The following TACC2 variants were observed in gnomAD, a reference collection of about 807,000 sequenced individuals.
The protein encoded by TACC2 is transforming acidic coiled-coil-containing protein 2.
A neutral mutation model predicts 227.3 loss-of-function variants in TACC2; 137 were observed. That is an observed-to-expected ratio of 0.60 (90% CI 0.52 to 0.69). The LOEUF (loss-of-function observed/expected upper bound fraction) is 0.69, where lower values mean the gene tolerates loss of function less well. TACC2 is among the 30% of genes least tolerant of loss of function. TACC2 has a pLI of 0.00. For synonymous variants in TACC2, 1,523 were observed against 1,487.5 expected (o/e 1.02, Z -0.55); for missense variants, 3,470 against 3,694.4 (o/e 0.94, Z 1.57).
intron 4 of TACC2, 145 bp from the exon 5 acceptor site, chr10:122,088,333 C>A: frequency 1.4e-6 from 1 of 718,682 alleles, no homozygotes; most frequent in Non-Finnish European, 2.2e-6. Flanking sequence ...TTTATTTAGT[C>A]AGGGGGCCCT....
chr10:122,084,259 G>A lies in TACC2; in HGVS notation c.1759G>A (p.Asp587Asn), dbSNP rs775335544. Reference protein sequence around the residue: ...GGKEEAPEPPDGGDPGNLQGE... With the variant: ...GGKEEAPEPPNGGDPGNLQGE... ...AAAGGAGGAAGCCCCAGAGCCACCT[G>A]ATGGTGGAGACCCAGGGAACCTGCA... Residue 587 changes from aspartate (D) to asparagine (N), a missense_variant, in exon 4 of 23, where the codon GAT becomes AAT. Coordinates refer to ENST00000369005, the MANE Select transcript of TACC2 (RefSeq NM_206862.4). The A allele has an allele frequency of 6.2e-7, 1 of 1,614,070 alleles. No homozygotes were observed. Among genetic ancestry groups the A allele is most frequent in the Non-Finnish European group, 8.5e-7 (1 of 1,180,038 alleles).
In TACC2 at chr10:122,083,059, T is replaced by C. The variant is rs2079712081; in HGVS notation, c.559T>C (p.Ser187Pro). Residue 187 changes from serine (S) to proline (P), a missense_variant, in exon 4 of 23, where the codon TCC becomes CCC. By Grantham distance (74) the Ser-to-Pro change is moderately conservative. This residue lies in a region of TACC2 where 405 missense variants were observed against 389.6 expected (regional missense o/e 1.04). Coordinates refer to ENST00000369005, the MANE Select transcript of TACC2 (RefSeq NM_206862.4). The stretch of plus-strand genomic sequence containing the variant: ...GCCGAAGGAAGAAGGACAGAAGTCC[T>C]CCTTCTCCTTCTCCAGTGGCATCGA... ...RQPKEEGQKSSFSFSSGIDQS... is the reference protein window; with the variant it reads ...RQPKEEGQKSPFSFSSGIDQS... The C allele has an allele frequency of 6.2e-7, 1 of 1,612,522 alleles. No homozygotes were observed. The highest frequency in any genetic ancestry group is 1.7e-5 in the Admixed American group (1 of 59,994).
At position 122,084,605 on chromosome 10, in the gene TACC2, A is replaced by G. The variant is rs1321880106; in HGVS notation, c.2105A>G (p.Gln702Arg). The G allele has an allele frequency of 6.2e-7, 1 of 1,613,872 alleles. No individual in the cohort carries two copies. ...CAGCCCAAATGTCCTGACACCCTTCAGAGCAGGGAAGGATTGGGAAGAATG... is the reference window on the plus strand; with the variant it reads ...CAGCCCAAATGTCCTGACACCCTTCGGAGCAGGGAAGGATTGGGAAGAATG... The part of the protein sequence containing the change: ...GLQPKCPDTL[Q>R]SREGLGRMES... The change falls in exon 4 of 23, where the codon CAG becomes CGG. Residue 702 changes from glutamine (Q) to arginine (R), a missense_variant. By Grantham distance (43) the Gln-to-Arg change is conservative. This residue lies in a region of TACC2 where 1,924 missense variants were observed against 1,978.3 expected (regional missense o/e 0.97). Transcript: ENST00000369005.
chr10:122,061,285 C>CAAAAAAAAAAAAA (rs58324245), intron 3 of TACC2, among the ~76,000 whole-genome samples: 1 of 87,106 alleles, frequency 1.1e-5, no homozygotes, highest in Non-Finnish European at 2.1e-5. Flanking sequence ...CACTCCGTCT[C>CAAAAAAAAAAAAA]AAAAAAAAAA....
At chr10:122,121,099 A>G (rs980416970) in intron 5 of TACC2, among the ~76,000 whole-genome samples, 2 of 152,174 alleles carry the variant, frequency 1.3e-5, no homozygotes, top group Non-Finnish European at 2.9e-5. Flanking sequence ...TGATATTCAC[A>G]TAGAGCCTGG....
chr10:122,070,567 A>G (rs567786516), intron 3 of TACC2, among the ~76,000 whole-genome samples: 6 of 152,196 alleles, frequency 3.9e-5, no homozygotes, highest in Admixed American at 6.5e-5. Flanking sequence ...CAGCCTGACC[A>G]ACATGGAGAA....
chr10:122,119,990 C>A (rs750733557), intron 5 of TACC2, among the ~76,000 whole-genome samples: 1 of 152,102 alleles, frequency 6.6e-6, no homozygotes, highest in Non-Finnish European at 1.5e-5. Context: ...CTTGTCCTCC[C>A]GGAGTAATTT....
rs189807013 is a variant in TACC2 at position 122,186,485 on chromosome 10, T to C, written c.5835-8555T>C. Among the ~76,000 whole-genome samples, 127 of 152,236 alleles carry C rather than the reference T, an allele frequency of 8.3e-4. 3 individuals are homozygous for C. In the East Asian group the frequency reaches 0.015, roughly 18 times the overall value. ...CTCCAGTCTAGGTGACGAGCAAGACTCAGTCTCTGGGGGGATAAAATGAGT... is the reference window on the plus strand; with the variant it reads ...CTCCAGTCTAGGTGACGAGCAAGACCCAGTCTCTGGGGGGATAAAATGAGT... On this transcript the variant is annotated intron_variant, in intron 7 of 22. Transcript: ENST00000369005.
intron 6 of TACC2, 132 bp downstream of exon 6, chr10:122,132,866 A>C: frequency 1.0e-5 from 9 of 878,500 alleles, no homozygotes; most frequent in South Asian, 1.7e-5. Context: ...GCACACACAC[A>C]CAGGGTGTGC....
chr10:122,221,701 T>C (rs1364852720), intron 11 of TACC2, among the ~76,000 whole-genome samples: 2 of 152,206 alleles, frequency 1.3e-5, no homozygotes, highest in African/African-American at 4.8e-5. Context: ...CAGGAATATA[T>C]CTGATCATGC....
chr10:122,061,947 G>A (rs2076866282), intron 3 of TACC2, among the ~76,000 whole-genome samples: 1 of 150,930 alleles, frequency 6.6e-6, no homozygotes, highest in South Asian at 2.1e-4. Context: ...GCAGAGAACA[G>A]CTGTCCCTAT....
At chr10:122,172,117 C>T (rs1165928595) in intron 7 of TACC2, among the ~76,000 whole-genome samples, 1 of 152,174 alleles carries the variant, frequency 6.6e-6, no homozygotes, top group East Asian at 1.9e-4. Context: ...TTAAAACCAT[C>T]CAAGCCTAAA....
At chr10:122,101,723 C>CGTTTTT (rs1406812091) in intron 5 of TACC2, among the ~76,000 whole-genome samples, 1 of 55,726 alleles carries the variant, frequency 1.8e-5, no homozygotes, top group Non-Finnish European at 3.0e-5. Flanking sequence ...CCATGCCCAG[C>CGTTTTT]TTTTTTTTTT....
chr10:122,056,376 T>C (rs1055605857), intron 3 of TACC2, among the ~76,000 whole-genome samples: 3 of 152,160 alleles, frequency 2.0e-5, no homozygotes, highest in Non-Finnish European at 4.4e-5. Context: ...GGTTTCACCA[T>C]GTTGGCCAGG....
At chr10:121,997,929 C>T (rs1372442453) in intron 1 of TACC2, among the ~76,000 whole-genome samples, 1 of 152,046 alleles carries the variant, frequency 6.6e-6, no homozygotes, top group East Asian at 1.9e-4. Context: ...CCAAGAGGTC[C>T]CATCCCACCC....
intron 6 of TACC2, among the ~76,000 whole-genome samples, chr10:122,136,858 T>C (rs986829529): frequency 7.9e-5 from 12 of 152,012 alleles, no homozygotes; most frequent in Non-Finnish European, 1.5e-4. Flanking sequence ...CCAGCAGAAT[T>C]TTTTTTAATT....
At chr10:122,116,149 A>G (rs1300137734) in intron 5 of TACC2, among the ~76,000 whole-genome samples, 2 of 152,202 alleles carry the variant, frequency 1.3e-5, no homozygotes, top group African/African-American at 2.4e-5. Flanking sequence ...CTGAGAAGGA[A>G]GACCCAGGGA....
At chr10:122,159,453 A>C (rs2092689970) in intron 7 of TACC2, among the ~76,000 whole-genome samples, 1 of 152,210 alleles carries the variant, frequency 6.6e-6, no homozygotes, top group Non-Finnish European at 1.5e-5. Context: ...CATTCAGGCC[A>C]CACAGCTTCC....
intron 16 of TACC2, 56 bp downstream of exon 16, chr10:122,230,496 G>T: frequency 2.6e-6 from 4 of 1,521,258 alleles, no homozygotes; most frequent in East Asian, 4.5e-5. Context: ...GTGCCGCTGG[G>T]GTCCAGAAGC....
Sources: gnomAD v4.1 joint callset for allele counts (sites outside exome capture counted in the v4.1 genomes callset) on GRCh38, gnomAD v4.1.1 for gene constraint, gnomAD v4.1.1 regional missense constraint, MANE v1.5 for transcripts, NCBI Gene and HGNC (gene_info 2026-07-23, HGNC 2026-07-21) for gene names.